Variants in MMP16 observed in about 807,000 individuals in gnomAD.
The protein encoded by MMP16 is matrix metallopeptidase 16, also known as matrix metalloproteinase-16.
Under a neutral mutation model 67.8 loss-of-function variants are expected in MMP16, and 12 were observed. The observed-to-expected ratio is 0.18, with a 90% CI of 0.11 to 0.29. The LOEUF is 0.29. Ranked by LOEUF, MMP16 falls within the 10% of genes least tolerant of loss-of-function variation. The pLI is 1.00. For synonymous variants in MMP16, 249 were observed against 255.9 expected (o/e 0.97, Z 0.26); for missense variants, 475 against 765.7 (o/e 0.62, Z 4.48).
chr8:88,271,940 ACATTGGCT>A (rs1256154225), intron 1 of MMP16, among the ~76,000 whole-genome samples: 7 of 152,354 alleles, frequency 4.6e-5, no homozygotes, highest in African/African-American at 1.7e-4. Context: ...CAGAATTTGA[ACATTGGCT>A]CAGCAATTTA....
At chr8:88,313,647 C>A (rs1043207889) in intron 1 of MMP16, among the ~76,000 whole-genome samples, 1 of 152,304 alleles carries the variant, frequency 6.6e-6, no homozygotes, top group Middle Eastern at 3.4e-3. Flanking sequence ...CCTCTCCCTA[C>A]TTAAGAGACT....
chr8:88,060,931 G>T (rs114984513), intron 7 of MMP16, among the ~76,000 whole-genome samples: 1 of 151,908 alleles, frequency 6.6e-6, no homozygotes, highest in Non-Finnish European at 1.5e-5. Context: ...AACATTGAGG[G>T]CATTAGTTTG....
intron 1 of MMP16, among the ~76,000 whole-genome samples, chr8:88,312,969 C>T (rs1811319390): frequency 6.7e-6 from 1 of 150,188 alleles, no homozygotes; most frequent in Non-Finnish European, 1.5e-5. Context: ...GAGCAAATCT[C>T]TGTCTCAAAA....
At chr8:88,123,039 A>T (rs1807866626) in intron 4 of MMP16, among the ~76,000 whole-genome samples, 1 of 151,920 alleles carries the variant, frequency 6.6e-6, no homozygotes, top group Non-Finnish European at 1.5e-5. Context: ...CACCTGGCTA[A>T]GCTGCTCCTG....
At chr8:88,196,308 A>G (rs1809251248) in intron 2 of MMP16, among the ~76,000 whole-genome samples, 1 of 151,890 alleles carries the variant, frequency 6.6e-6, no homozygotes, top group Admixed American at 6.6e-5. Context: ...CCTCTACTGA[A>G]AAAAATTAAT....
chr8:88,215,693 G>A (rs1417846582), intron 1 of MMP16, among the ~76,000 whole-genome samples: 3 of 152,108 alleles, frequency 2.0e-5, no homozygotes, highest in Non-Finnish European at 4.4e-5. Flanking sequence ...TAAGAATAGT[G>A]ATGACTTACT....
chr8:88,267,863 C>T (rs1372614443), intron 1 of MMP16, among the ~76,000 whole-genome samples: 2 of 152,154 alleles, frequency 1.3e-5, no homozygotes, highest in South Asian at 2.1e-4. Context: ...CCAAAATTGA[C>T]ATCATATTCC....
At chr8:88,227,618 C>T (rs1214771816) in intron 1 of MMP16, among the ~76,000 whole-genome samples, 3 of 152,004 alleles carry the variant, frequency 2.0e-5, no homozygotes, top group Non-Finnish European at 4.4e-5. Flanking sequence ...ATGGCCAGCT[C>T]CTTTTTCAGG....
chr8:88,293,449 C>T (rs1810957174), intron 1 of MMP16, among the ~76,000 whole-genome samples: 1 of 152,080 alleles, frequency 6.6e-6, no homozygotes, highest in East Asian at 1.9e-4. Flanking sequence ...GTTAGAGTAA[C>T]AAAATCCAAT....
At chr8:88,204,283 T>G (rs1466524661) in intron 1 of MMP16, among the ~76,000 whole-genome samples, 1 of 152,194 alleles carries the variant, frequency 6.6e-6, no homozygotes, top group Non-Finnish European at 1.5e-5. Flanking sequence ...ACCAAAAGCC[T>G]TTACAGAATT....
chr8:88,185,125 C>T (rs1382188068), intron 3 of MMP16, among the ~76,000 whole-genome samples: 1 of 151,992 alleles, frequency 6.6e-6, no homozygotes, highest in African/African-American at 2.4e-5. Context: ...TAGGATCATG[C>T]TGTGTGAGAA....
chr8:88,170,032 G>A lies in MMP16; in HGVS notation c.405-2059C>T, dbSNP rs541531704. 1.6e-3 allele frequency among the ~76,000 whole-genome samples: 239 copies of A among 152,282 alleles called. 2 individuals carry two copies. Among genetic ancestry groups the A allele is most frequent in the Non-Finnish European group, 3.0e-3 (201 of 68,022 alleles). On this transcript the variant is annotated intron_variant, in intron 3 of 9. Coordinates refer to ENST00000286614, the MANE Select transcript of MMP16 (RefSeq NM_005941.5). ...TGCAAAAATCCAGGTGAGAGATGAT[G>A]GTGCTTTGGACCAGGTTGGTACCAG...
At chr8:88,083,304 G>C (rs1358155661) in intron 6 of MMP16, among the ~76,000 whole-genome samples, 4 of 152,032 alleles carry the variant, frequency 2.6e-5, no homozygotes, top group Non-Finnish European at 4.4e-5. Flanking sequence ...ATATTCCAGT[G>C]ATGGGTATTA....
intron 6 of MMP16, among the ~76,000 whole-genome samples, chr8:88,084,287 G>A (rs898144863): frequency 3.3e-5 from 5 of 151,922 alleles, no homozygotes; most frequent in African/African-American, 9.7e-5. Context: ...GTACAATCAC[G>A]TAGAAGCAAA....
intron 4 of MMP16, among the ~76,000 whole-genome samples, chr8:88,124,251 G>A (rs574564315): frequency 6.6e-6 from 1 of 152,008 alleles, no homozygotes; most frequent in South Asian, 2.1e-4. Context: ...TTTATAATCT[G>A]TTATGCAAGT....
intron 5 of MMP16, among the ~76,000 whole-genome samples, chr8:88,117,724 T>C (rs1477917): frequency 0.076 from 11,555 of 152,000 alleles, 449 homozygotes; most frequent in East Asian, 0.16. Flanking sequence ...CCTGAGAGAA[T>C]ACTTACCACT....
At chr8:88,310,676 G>A (rs3851539) in intron 1 of MMP16, among the ~76,000 whole-genome samples, 70,644 of 152,036 alleles carry the variant, frequency 0.46, 17,810 homozygotes, top group Non-Finnish European at 0.58. Flanking sequence ...TTTACTGTGA[G>A]AGACAGCTGT....
intron 7 of MMP16, among the ~76,000 whole-genome samples, chr8:88,057,545 C>G (rs993673456): frequency 2.0e-5 from 3 of 152,106 alleles, no homozygotes; most frequent in African/African-American, 7.2e-5. Context: ...AGTAAGGTGT[C>G]CCAACGTCCT....
rs1811556356 is a variant in MMP16, at chr8:88,327,282, T to G, written c.-76A>C. ...TCTCCCTCTCCCTCCCTCCCTCGTT[T>G]CCTTTCAAAAAAAAGTCCTCCGGGT... On this transcript the variant is annotated 5_prime_UTR_variant, in exon 1 of 10. Coordinates refer to ENST00000286614, the MANE Select transcript of MMP16 (RefSeq NM_005941.5). 1 of 1,590,646 alleles carries G rather than the reference T, an allele frequency of 6.3e-7. No individual in the cohort carries two copies.
Sources: gnomAD v4.1 joint callset for allele counts (sites outside exome capture counted in the v4.1 genomes callset) on GRCh38, gnomAD v4.1.1 for gene constraint, MANE v1.5 for transcripts, NCBI Gene and HGNC (gene_info 2026-07-23, HGNC 2026-07-21) for gene names.